WDR25: variants seen among roughly 807,000 people sequenced by gnomAD.
The protein encoded by WDR25 is WD repeat domain 25.
WDR25 carries 35 observed loss-of-function variants against 47.7 expected under a neutral mutation model. That is an observed-to-expected ratio of 0.73 (90% CI 0.56 to 0.97). The LOEUF is 0.97. Ranked by LOEUF, WDR25 falls within the 50% of genes least tolerant of loss-of-function variation. The probability of loss-of-function intolerance (pLI) is 0.00; values close to 1 mark genes in which losing one functional copy is unlikely to be tolerated. For synonymous variants in WDR25, 248 were observed against 278.9 expected (o/e 0.89, Z 1.10); for missense variants, 634 against 704.7 (o/e 0.90, Z 1.14).
chr14:100,507,520 T>C (rs995455788), intron 4 of WDR25, among the ~76,000 whole-genome samples: 5 of 152,212 alleles, frequency 3.3e-5, no homozygotes, highest in African/African-American at 1.2e-4. Context: ...TGATATTGAT[T>C]CTTCGAATCC....
chr14:100,401,174 G>T (rs766701413), intron 2 of WDR25, among the ~76,000 whole-genome samples: 65 of 152,090 alleles, frequency 4.3e-4, no homozygotes, highest in Admixed American at 1.2e-3. Context: ...GCGCGTCGGC[G>T]GCTGCTCGCT....
intron 2 of WDR25, among the ~76,000 whole-genome samples, chr14:100,390,426 T>TGTGTGC (rs1413707045): frequency 1.0e-4 from 15 of 150,484 alleles, no homozygotes; most frequent in Non-Finnish European, 1.5e-4. Context: ...TGTGTGTGTG[T>TGTGTGC]GCATGCACAC....
At chr14:100,421,814 G>A (rs949745053) in intron 2 of WDR25, among the ~76,000 whole-genome samples, 1 of 152,042 alleles carries the variant, frequency 6.6e-6, no homozygotes, top group African/African-American at 2.4e-5. Context: ...ACACTCTGTG[G>A]TTTTTTGCAA....
At chr14:100,388,621 C>T (rs1183016745) in intron 2 of WDR25, among the ~76,000 whole-genome samples, 1 of 152,190 alleles carries the variant, frequency 6.6e-6, no homozygotes, top group African/African-American at 2.4e-5. Context: ...GACACTCCTC[C>T]TCCCCCATGT....
At chr14:100,415,526 A>G (rs1319509351) in intron 2 of WDR25, among the ~76,000 whole-genome samples, 1 of 152,250 alleles carries the variant, frequency 6.6e-6, no homozygotes, top group African/African-American at 2.4e-5. Flanking sequence ...GAGTAGAGAC[A>G]GCATCTCTAT....
intron 4 of WDR25, among the ~76,000 whole-genome samples, chr14:100,492,894 C>T (rs1025000320): frequency 2.6e-5 from 4 of 152,134 alleles, no homozygotes; most frequent in Admixed American, 6.5e-5. Flanking sequence ...TCACTGCATC[C>T]TCGAACTCCT....
Position 100,439,401 on chromosome 14 carries a change from C to T in WDR25, c.823-28620C>T, listed in dbSNP as rs117719330. 3.0e-3 allele frequency among the ~76,000 whole-genome samples: 459 copies of T among 152,268 alleles called. 1 individual carries two copies. The highest frequency in any genetic ancestry group is 5.2e-3 in the Non-Finnish European group (356 of 68,004). ...ACTCATCTGATGGCATTTTGTGTGG[C>T]GTTGTGCAGTTCAGCCTGGTACAGC... is the stretch of plus-strand genomic sequence containing the variant. On this transcript the variant is annotated intron_variant, in intron 2 of 6. Transcript: ENST00000402312.
intron 1 of WDR25, 55 bp downstream of exon 1, chr14:100,376,550 C>T: frequency 8.1e-7 from 1 of 1,231,866 alleles, no homozygotes; most frequent in Non-Finnish European, 1.0e-6. Flanking sequence ...TGGGCAGCGC[C>T]TAAAGCGCCC....
At chr14:100,402,150 C>T (rs538496600) in intron 2 of WDR25, among the ~76,000 whole-genome samples, 1 of 152,308 alleles carries the variant, frequency 6.6e-6, no homozygotes, top group African/African-American at 2.4e-5. Context: ...TATTCTACCC[C>T]TCAGAAGGTA....
intron 2 of WDR25, among the ~76,000 whole-genome samples, chr14:100,410,455 A>T (rs936417618): frequency 4.6e-5 from 7 of 152,234 alleles, no homozygotes; most frequent in Admixed American, 1.3e-4. Context: ...CCTAGCTCAC[A>T]GTCTAATAAA....
In WDR25 at chr14:100,381,559, ACGTGGGC is replaced by A. The variant is rs774109314; in HGVS notation, c.637_643del (p.Val213ArgfsTer11). ...GCAGGGCGTGCCCCAGCCCCTCTCT[ACGTGGGC>A]CCGGGAGTGTCTGAGTTTATTCAGC... is the stretch of plus-strand genomic sequence containing the variant. On this transcript the variant is annotated frameshift_variant, in exon 2 of 7. Coordinates refer to ENST00000402312, the MANE Select transcript of WDR25 (RefSeq NM_001161476.3). LOFTEE classifies it high-confidence loss of function. 1 of 1,609,352 alleles carries A rather than the reference ACGTGGGC, an allele frequency of 6.2e-7. No homozygotes were observed. Among genetic ancestry groups the A allele is most frequent in the East Asian group, 2.2e-5 (1 of 44,690 alleles).
intron 2 of WDR25, among the ~76,000 whole-genome samples, chr14:100,416,005 G>T (rs1897858493): frequency 1.3e-5 from 2 of 152,186 alleles, no homozygotes; most frequent in Admixed American, 1.3e-4. Flanking sequence ...ACTGCCACCT[G>T]AATCTTTACT....
rs111616205 is a variant in WDR25 at position 100,377,081 on chromosome 14, C to T, written c.-16+586C>T. 6.3e-3 allele frequency among the ~76,000 whole-genome samples: 962 copies of T among 152,322 alleles called. 4 individuals carry two copies. Among genetic ancestry groups the T allele is most frequent in the African/African-American group, 0.019 (783 of 41,564 alleles). On this transcript the variant is annotated intron_variant, in intron 1 of 6. Transcript: ENST00000402312. ...TCTTCGTTTAATCCCTCATCTCCTTCCAGAGGGAGCACGGGCACCCTGGTG... is the reference window on the plus strand; with the variant it reads ...TCTTCGTTTAATCCCTCATCTCCTTTCAGAGGGAGCACGGGCACCCTGGTG...
At chr14:100,389,442 G>A (rs1406932384) in intron 2 of WDR25, among the ~76,000 whole-genome samples, 1 of 152,202 alleles carries the variant, frequency 6.6e-6, no homozygotes, top group Non-Finnish European at 1.5e-5. Context: ...AGCTTCTGCT[G>A]TTTCTTGTCA....
intron 4 of WDR25, among the ~76,000 whole-genome samples, chr14:100,518,529 C>G (rs952562778): frequency 1.3e-5 from 2 of 152,088 alleles, no homozygotes; most frequent in Admixed American, 6.5e-5. Context: ...AATTTGGGAA[C>G]AGTTTACTCA....
chr14:100,390,267 T>A (rs1365294403), intron 2 of WDR25, among the ~76,000 whole-genome samples: 1 of 152,186 alleles, frequency 6.6e-6, no homozygotes, highest in East Asian at 1.9e-4. Context: ...TTTTCTGAAA[T>A]GTTTGTCTCT....
chr14:100,481,103 C>CAAAAAAA lies in WDR25; in HGVS notation c.971-2868_971-2862dup, dbSNP rs71113268. On this transcript the variant is annotated intron_variant, in intron 3 of 6. Transcript: ENST00000402312. ...GGATAAATCTTCAGACAAAAAAGTGCAAAAAAAAAAAAAAAAAAAAAAAAA... is the reference window on the plus strand; with the variant it reads ...GGATAAATCTTCAGACAAAAAAGTGCAAAAAAAAAAAAAAAAAAAAAAAAAAAAAAAA... 88 of 248,184 alleles carry CAAAAAAA rather than the reference C, an allele frequency of 3.5e-4. 1 individual carries two copies. Among genetic ancestry groups the CAAAAAAA allele is most frequent in the East Asian group, 9.9e-4 (8 of 8,092 alleles). 15.4% of individuals were successfully genotyped at this position (248,184 alleles called of 1,614,324 possible).
intron 1 of WDR25, among the ~76,000 whole-genome samples, chr14:100,379,798 G>C (rs1194489006): frequency 2.6e-5 from 4 of 151,472 alleles, no homozygotes; most frequent in Admixed American, 2.6e-4. Context: ...CTGGAGTGCA[G>C]TGGCACAATC....
chr14:100,497,296 T>C (rs1275292931), intron 4 of WDR25, among the ~76,000 whole-genome samples: 1 of 152,162 alleles, frequency 6.6e-6, no homozygotes. Flanking sequence ...TTTAATCTAC[T>C]TGTTCTTTCA....
Sources: allele counts gnomAD v4.1 joint callset (sites outside exome capture counted in the v4.1 genomes callset), GRCh38; gene constraint gnomAD v4.1.1; transcripts MANE v1.5; gene names NCBI Gene and HGNC (gene_info 2026-07-23, HGNC 2026-07-21).